The following CNTN3 variants were observed in gnomAD, a reference collection of about 807,000 sequenced individuals.
CNTN3 encodes contactin-3.
Under a neutral mutation model 119.1 loss-of-function variants are expected in CNTN3, and 60 were observed. The observed-to-expected ratio is 0.50, with a 90% confidence interval of 0.41 to 0.62. The LOEUF (loss-of-function observed/expected upper bound fraction) is 0.62, where lower values mean the gene tolerates loss of function less well. Among genes scored for constraint, CNTN3 ranks in the 20% least tolerant of loss-of-function variants. The pLI, the probability that CNTN3 is intolerant of heterozygous loss-of-function variation, is 0.00. For synonymous variants in CNTN3, 450 were observed against 438.7 expected, an observed-to-expected ratio of 1.03 and a Z score of -0.32; for missense variants, 1,101 against 1,242.4, an observed-to-expected ratio of 0.89 and a Z score of 1.71.
intron 11 of CNTN3, among the ~76,000 whole-genome samples, chr3:74,346,074 C>T (rs750166190): frequency 1.1e-4 from 17 of 151,688 alleles, no homozygotes; most frequent in African/African-American, 2.9e-4. Flanking sequence ...TTGTGAAATA[C>T]GACACGATAT....
intron 2 of CNTN3, among the ~76,000 whole-genome samples, chr3:74,500,696 G>C (rs779011721): frequency 6.6e-5 from 10 of 152,076 alleles, no homozygotes; most frequent in Non-Finnish European, 7.4e-5. Flanking sequence ...TGGCATTTTG[G>C]CTACTTCGAA....
intron 1 of CNTN3, among the ~76,000 whole-genome samples, chr3:74,595,159 A>G (rs937992688): frequency 6.6e-6 from 1 of 151,682 alleles, no homozygotes; most frequent in Non-Finnish European, 1.5e-5. Flanking sequence ...TTTCTTGTAA[A>G]TTGGTTTGAG....
intron 4 of CNTN3, among the ~76,000 whole-genome samples, chr3:74,451,584 T>C (rs1389319332): frequency 1.3e-5 from 2 of 152,228 alleles, no homozygotes; most frequent in Non-Finnish European, 2.9e-5. Context: ...CATGAAGTCC[T>C]TGCCCGTGCC....
At chr3:74,453,143 T>C (rs1472403291) in intron 4 of CNTN3, among the ~76,000 whole-genome samples, 3 of 152,070 alleles carry the variant, frequency 2.0e-5, no homozygotes, top group African/African-American at 7.2e-5. Context: ...ATCCATCTGG[T>C]CCTGGACTCT....
At chr3:74,279,842 G>C (rs983568533) in intron 20 of CNTN3, among the ~76,000 whole-genome samples, 1 of 152,046 alleles carries the variant, frequency 6.6e-6, no homozygotes, top group Non-Finnish European at 1.5e-5. Context: ...ATAGAGAGTA[G>C]AAGGATGATT....
chr3:74,356,739 T>A (rs1703943173), intron 11 of CNTN3, among the ~76,000 whole-genome samples: 1 of 152,080 alleles, frequency 6.6e-6, no homozygotes, highest in Non-Finnish European at 1.5e-5. Flanking sequence ...TGGGCAGTAA[T>A]CCATTTACTA....
intron 4 of CNTN3, among the ~76,000 whole-genome samples, chr3:74,450,646 A>C (rs1338371949): frequency 6.9e-6 from 1 of 144,008 alleles, no homozygotes; most frequent in African/African-American, 2.6e-5. Context: ...ATATCTCCCA[A>C]TGCTATCCCT....
chr3:74,569,621 C>G (rs1207981015), intron 1 of CNTN3, among the ~76,000 whole-genome samples: 3 of 152,158 alleles, frequency 2.0e-5, no homozygotes, highest in Admixed American at 1.3e-4. Flanking sequence ...ACCATCATTG[C>G]AGATTTTTCT....
At chr3:74,391,558 T>C (rs1280777550) in intron 5 of CNTN3, among the ~76,000 whole-genome samples, 2 of 1,224 alleles carry the variant, frequency 1.6e-3, no homozygotes, top group Non-Finnish European at 3.1e-3. Flanking sequence ...CCATAGTTTC[T>C]TTTTTTTTTT....
chr3:74,279,100 C>A (rs998349445), intron 20 of CNTN3, among the ~76,000 whole-genome samples: 2 of 151,952 alleles, frequency 1.3e-5, no homozygotes, highest in African/African-American at 2.4e-5. Flanking sequence ...AATAAAAAAT[C>A]AAAAAACAGT....
chr3:74,520,771 C>G (rs865846311), intron 2 of CNTN3, among the ~76,000 whole-genome samples: 1 of 151,312 alleles, frequency 6.6e-6, no homozygotes, highest in Non-Finnish European at 1.5e-5. Flanking sequence ...AATTAACATG[C>G]TCAAATTTGA....
At chr3:74,358,463 T>C (rs1409864689) in intron 11 of CNTN3, among the ~76,000 whole-genome samples, 1 of 151,950 alleles carries the variant, frequency 6.6e-6, no homozygotes, top group African/African-American at 2.4e-5. Flanking sequence ...AAATTCTGTA[T>C]TTCCCAGTTT....
chr3:74,300,926 T>C (rs183898654), intron 16 of CNTN3, among the ~76,000 whole-genome samples: 2 of 152,316 alleles, frequency 1.3e-5, no homozygotes, highest in African/African-American at 4.8e-5. Context: ...CTATCAATGA[T>C]TTTTTCTTAA....
intron 1 of CNTN3, among the ~76,000 whole-genome samples, chr3:74,588,650 C>T (rs967832696): frequency 6.6e-6 from 1 of 152,092 alleles, no homozygotes; most frequent in Admixed American, 6.6e-5. Flanking sequence ...ATCACCAAGT[C>T]ATTCCTAAGC....
intron 1 of CNTN3, among the ~76,000 whole-genome samples, chr3:74,609,991 A>C (rs779375258): frequency 6.6e-6 from 1 of 152,186 alleles, no homozygotes; most frequent in East Asian, 1.9e-4. Context: ...TAAGCAAATG[A>C]TATTTACACT....
At chr3:74,448,118 C>G (rs1702082411) in intron 4 of CNTN3, among the ~76,000 whole-genome samples, 1 of 152,142 alleles carries the variant, frequency 6.6e-6, no homozygotes, top group South Asian at 2.1e-4. Context: ...CATACACTTA[C>G]TCAATATGAT....
chr3:74,395,620 G>A (rs1295851517), intron 5 of CNTN3, among the ~76,000 whole-genome samples: 1 of 152,146 alleles, frequency 6.6e-6, no homozygotes, highest in Non-Finnish European at 1.5e-5. Context: ...TCTGAAAAGT[G>A]GGATAATACT....
rs1701620078 is a variant in CNTN3, at chr3:74,263,837, G to C, written c.*564C>G. ...AGTGATTTGTAAAGTCTTACAACTA[G>C]TTAGCAGCATACCAAACCAAACATC... On this transcript the variant is annotated 3_prime_UTR_variant, in exon 23 of 23. Transcript: ENST00000263665. 1 of 152,096 alleles carries C rather than the reference G, an allele frequency of 6.6e-6. No homozygotes were observed. The highest frequency in any genetic ancestry group is 6.6e-5 in the Admixed American group (1 of 15,236). 9.4% of individuals were successfully genotyped at this position (152,096 alleles called of 1,614,324 possible). A position where few individuals can be genotyped will look rare whatever the true frequency, so the allele number is the denominator to read the frequency against.
At chr3:74,519,889 A>G (rs1426119733) in intron 2 of CNTN3, among the ~76,000 whole-genome samples, 1 of 151,684 alleles carries the variant, frequency 6.6e-6, no homozygotes, top group Non-Finnish European at 1.5e-5. Context: ...TAAAAGTTAA[A>G]GATTTTAATC....
Sources: allele counts gnomAD v4.1 joint callset (sites outside exome capture counted in the v4.1 genomes callset), GRCh38; gene constraint gnomAD v4.1.1; transcripts MANE v1.5; gene names NCBI Gene and HGNC (gene_info 2026-07-23, HGNC 2026-07-21).